Variants in PPP1R3F observed in about 807,000 individuals in gnomAD.
PPP1R3F encodes the protein protein phosphatase 1, regulatory (inhibitor) subunit 3F.
Under a neutral mutation model 24.2 loss-of-function variants are expected in PPP1R3F, and 29 were observed. The observed-to-expected ratio is 1.20, with a 90% CI of 0.89 to 1.63. PPP1R3F has a LOEUF of 1.63. PPP1R3F is among the 40% of genes most tolerant of loss of function. The probability of loss-of-function intolerance (pLI) is 0.00; values close to 1 mark genes in which losing one functional copy is unlikely to be tolerated. For synonymous variants in PPP1R3F, 363 were observed against 340.1 expected (o/e 1.07, Z -0.74); for missense variants, 823 against 729.3 (o/e 1.13, Z -1.48).
chrX:49,281,721 G>A (rs2066250282), intron 2 of PPP1R3F, among the ~76,000 whole-genome samples: 1 of 109,548 alleles, frequency 9.1e-6, no homozygotes. Context: ...CCTGCTACTC[G>A]GGAGGCTGAG....
In PPP1R3F at chrX:49,270,656, G is replaced by T; in HGVS notation, c.787G>T (p.Val263Leu). 8.3e-7 allele frequency: 1 copy of T among 1,209,290 alleles called. No homozygotes were observed. The highest frequency in any genetic ancestry group is 1.1e-6 in the Non-Finnish European group (1 of 894,804). ...AGDGARLDFV[V>L]RYETPEGTFW... ...CGATGGGGCGCGCCTCGACTTCGTGGTGCGCTATGAGACCCCTGAGGGCAC... is the reference window on the plus strand; with the variant it reads ...CGATGGGGCGCGCCTCGACTTCGTGTTGCGCTATGAGACCCCTGAGGGCAC... The change falls in exon 1 of 4, where the codon GTG (valine) becomes TTG (leucine). Residue 263 changes from valine (V) to leucine (L), a missense_variant. Transcript: ENST00000055335.
In PPP1R3F at chrX:49,279,797, C is replaced by T. The variant is rs781905585; in HGVS notation, c.1005-1609C>T. ...TCCTCTCAGGTTTTAGTCAATGCTT[C>T]CCTCATTTACCTTAATCTGTAGACA... On this transcript the variant is annotated intron_variant, in intron 1 of 3. Coordinates refer to ENST00000055335, the MANE Select transcript of PPP1R3F (RefSeq NM_033215.5). 7.1e-5 allele frequency among the ~76,000 whole-genome samples: 8 copies of T among 112,490 alleles called. No individual in the cohort carries two copies. The East Asian group carries it at 2.2e-3, about 31-fold the overall frequency.
chrX:49,281,113 A>G (rs945615139), intron 1 of PPP1R3F: 2 of 257,394 alleles, frequency 7.8e-6, no homozygotes, highest in Non-Finnish European at 1.4e-5. Context: ...GTAGAATCTA[A>G]ATGATTTCGT....
At position 49,270,146 on chromosome X, in the gene PPP1R3F, G is replaced by A. The variant is rs781962733; in HGVS notation, c.277G>A (p.Glu93Lys). ...TGGCGAGGATGGGGATGAAGGGGAGGAGGAAGAGGAGGCTTGCCCCGAGCC... is the reference window on the plus strand; with the variant it reads ...TGGCGAGGATGGGGATGAAGGGGAGAAGGAAGAGGAGGCTTGCCCCGAGCC... ...DDGEDGDEGE[E>K]EEEACPEPSP... is the part of the protein sequence containing the mutation. The change falls in exon 1 of 4, where the codon GAG (glutamate) becomes AAG (lysine). Residue 93 changes from glutamate (E) to lysine (K), a missense_variant. Coordinates refer to ENST00000055335, the MANE Select transcript of PPP1R3F (RefSeq NM_033215.5). 2.6e-5 allele frequency: 28 copies of A among 1,075,247 alleles called. No homozygotes were observed. The South Asian group carries it at 4.3e-4, about 17-fold the overall frequency. 88.6% of individuals were successfully genotyped at this position (1,075,247 alleles called of 1,213,427 possible).
rs1444425879 is a variant in PPP1R3F at position 49,286,091 on chromosome X, G to A, written c.1401G>A (p.Gly467=). 1 of 1,172,054 alleles carries A rather than the reference G, an allele frequency of 8.5e-7. No homozygotes were observed. Among genetic ancestry groups the A allele is most frequent in the Non-Finnish European group, 1.1e-6 (1 of 873,309 alleles). The change falls in exon 4 of 4, where the codon GGG becomes GGA. Residue 467 remains glycine, a synonymous_variant. Transcript: ENST00000055335. ...GGGGAGTATCGAGTGAGAATGGAGG[G>A]GGGCTGGAGGCTGTGAGTGGGTCAG... ...ATWGVSSENG[G]GLEAVSGSEE...
chrX:49,271,824 C>A (rs781904958), intron 1 of PPP1R3F, among the ~76,000 whole-genome samples: 1 of 112,741 alleles, frequency 8.9e-6, no homozygotes, highest in South Asian at 3.6e-4. Flanking sequence ...AGTTTTTGTC[C>A]CTTGTTTTTT....
At chrX:49,279,306 G>C (rs900494940) in intron 1 of PPP1R3F, among the ~76,000 whole-genome samples, 3 of 112,458 alleles carry the variant, frequency 2.7e-5, no homozygotes, top group Admixed American at 9.4e-5. Flanking sequence ...ACTTAGAACA[G>C]TGTGTAATGC....
chrX:49,292,451 G>A (rs1330122109), downstream of PPP1R3F, among the ~76,000 whole-genome samples: 1 of 112,706 alleles, frequency 8.9e-6, no homozygotes, highest in Non-Finnish European at 1.9e-5. Flanking sequence ...GATTGGCCAG[G>A]TTGGCCAGGT....
Position 49,286,502 on chromosome X carries a change from C to T in PPP1R3F, c.1812C>T (p.Ser604=), listed in dbSNP as rs782076338. 1.2e-5 allele frequency: 15 copies of T among 1,207,650 alleles called. No homozygotes were observed. The highest frequency in any genetic ancestry group is 1.1e-4 in the South Asian group (6 of 56,491). Residue 604 remains serine (S), a synonymous_variant, in exon 4 of 4, where the codon TCC becomes TCT. Transcript: ENST00000055335. ...AGGAATCGCCTCCAGAAATCCTCTC[C>T]GGGGCCCGTTCTGTGGTAGCCACGA... ...SPKESPPEIL[S]GARSVVATMG... is the part of the protein sequence containing the mutation.
rs2066158091 is a variant in PPP1R3F at position 49,269,806 on chromosome X, C to T, written c.-64C>T. ...GCTGGCCTTCCCATTGGCTGCCCGC[C>T]CCTTCAGGCCCTGCCCCCGCCGGTC... On this transcript the variant is annotated 5_prime_UTR_variant, in exon 1 of 4. Coordinates refer to ENST00000055335, the MANE Select transcript of PPP1R3F (RefSeq NM_033215.5). 1 of 714,012 alleles carries T rather than the reference C, an allele frequency of 1.4e-6. No homozygotes were observed. Among genetic ancestry groups the T allele is most frequent in the Non-Finnish European group, 1.8e-6 (1 of 570,918 alleles). The allele number at this position is 714,012 out of a possible 1,213,427, so 58.8% of individuals were successfully genotyped here. A position where few individuals can be genotyped will look rare whatever the true frequency, so the allele number is the denominator to read the frequency against.
chrX:49,286,966 T>A lies in PPP1R3F; in HGVS notation c.2276T>A (p.Leu759His). 8.3e-7 allele frequency: 1 copy of A among 1,210,082 alleles called. No individual in the cohort carries two copies. Among genetic ancestry groups the A allele is most frequent in the Non-Finnish European group, 1.1e-6 (1 of 895,029 alleles). Residue 759 changes from leucine to histidine, a missense_variant, in exon 4 of 4, where the codon CTC becomes CAC. Leu to His is a moderately conservative substitution (Grantham distance 99). Transcript: ENST00000055335. ...AECVCALPPQ[L>H]RGPLTQTLGV... is the part of the protein sequence containing the mutation. ...TGTGTGTGTGCACTGCCTCCTCAGC[T>A]CCGGGGGCCCTTGACCCAGACTCTG... is the stretch of plus-strand genomic sequence containing the variant.
At chrX:49,280,479 C>A (rs1224512795) in intron 1 of PPP1R3F, among the ~76,000 whole-genome samples, 3 of 109,459 alleles carry the variant, frequency 2.7e-5, no homozygotes, top group Non-Finnish European at 5.7e-5. Flanking sequence ...GAATTCCTGA[C>A]CTCAGGTGAT....
chrX:49,295,388 C>T lies in PPP1R3F; in HGVS notation c.393-5963C>T, dbSNP rs782512502. Among the ~76,000 whole-genome samples, 9 of 111,870 alleles carry T rather than the reference C, an allele frequency of 8.0e-5. No homozygotes were observed. In the South Asian group the frequency reaches 3.4e-3, roughly 42 times the overall value. ...CGAACTCCTGGGCTCAAGCGATCCCCCCACCTCAGCCTCCCAAAGTGCTGG... is the reference window on the plus strand; with the variant it reads ...CGAACTCCTGGGCTCAAGCGATCCCTCCACCTCAGCCTCCCAAAGTGCTGG... On this transcript the variant is annotated intron_variant, in intron 3 of 3. Coordinates refer to the PPP1R3F transcript ENST00000471261.
chrX:49,269,803 CGCCCCTTCAGGCCCT>C lies in PPP1R3F; in HGVS notation c.-61_-47del. On this transcript the variant is annotated 5_prime_UTR_variant, in exon 1 of 4. Transcript: ENST00000055335. ...CGCGCTGGCCTTCCCATTGGCTGCCCGCCCCTTCAGGCCCTGCCCCCGCCGGTCCCGCCGCCGGTG... is the reference window on the plus strand; with the variant it reads ...CGCGCTGGCCTTCCCATTGGCTGCCCGCCCCCGCCGGTCCCGCCGCCGGTG... The C allele has an allele frequency of 1.4e-6, 1 of 706,768 alleles. No homozygotes were observed. Among genetic ancestry groups the C allele is most frequent in the Non-Finnish European group, 1.8e-6 (1 of 564,795 alleles). 58.2% of individuals were successfully genotyped at this position (706,768 alleles called of 1,213,427 possible).
rs1557119134 is a variant in PPP1R3F, at chrX:49,270,803, C to T, written c.934C>T (p.Pro312Ser). 1 of 1,191,963 alleles carries T rather than the reference C, an allele frequency of 8.4e-7. No homozygotes were observed. Among genetic ancestry groups the T allele is most frequent in the Non-Finnish European group, 1.1e-6 (1 of 885,458 alleles). Residue 312 changes from proline (P) to serine (S), a missense_variant, in exon 1 of 4, where the codon CCC (proline) becomes TCC (serine). Pro to Ser is a moderately conservative substitution (Grantham distance 74, BLOSUM62 -1). Coordinates refer to ENST00000055335, the MANE Select transcript of PPP1R3F (RefSeq NM_033215.5). ...GCAGCTGCCGCAGCTGGAGCCACAGCCCGAGTGCCAGGGTCCCGTGGAGGC... is the reference window on the plus strand; with the variant it reads ...GCAGCTGCCGCAGCTGGAGCCACAGTCCGAGTGCCAGGGTCCCGTGGAGGC... ...QQQLPQLEPQPECQGPVEAEA... is the reference protein window; with the variant it reads ...QQQLPQLEPQSECQGPVEAEA...
chrX:49,280,117 C>T (rs1557120475), intron 1 of PPP1R3F, among the ~76,000 whole-genome samples: 1 of 111,797 alleles, frequency 8.9e-6, no homozygotes, highest in African/African-American at 3.3e-5. Flanking sequence ...CAGGCTGATA[C>T]GGGGACGAGA....
At chrX:49,300,536 C>T (rs1486609112) in intron 3 of PPP1R3F, among the ~76,000 whole-genome samples, 10 of 92,319 alleles carry the variant, frequency 1.1e-4, no homozygotes, top group African/African-American at 4.1e-4. Flanking sequence ...GTCACCCAGG[C>T]GGGAGTGCAG....
In PPP1R3F at chrX:49,270,701, G is replaced by C; in HGVS notation, c.832G>C (p.Gly278Arg). The stretch of plus-strand genomic sequence containing the variant: ...GGGCACTTTCTGGGCCAACAACCAC[G>C]GCCGCAACTACACAGTCCTGCTCCG... ...PEGTFWANNH[G>R]RNYTVLLRIA... The change falls in exon 1 of 4, where the codon GGC becomes CGC. Residue 278 changes from glycine (G) to arginine (R), a missense_variant. Physicochemically the swap from Gly to Arg is moderately radical, Grantham distance 125. Transcript: ENST00000055335. 1 of 1,208,487 alleles carries C rather than the reference G, an allele frequency of 8.3e-7. No homozygotes were observed. The highest frequency in any genetic ancestry group is 1.1e-6 in the Non-Finnish European group (1 of 893,954).
intron 3 of PPP1R3F, among the ~76,000 whole-genome samples, chrX:49,299,743 C>T (rs893125907): frequency 1.1e-4 from 12 of 112,008 alleles, no homozygotes; most frequent in Non-Finnish European, 2.1e-4. Context: ...AGTCTGGCTA[C>T]AGCGGGTTTG....
Sources: gnomAD v4.1 joint callset for allele counts (sites outside exome capture counted in the v4.1 genomes callset) on GRCh38, gnomAD v4.1.1 for gene constraint, MANE v1.5 for transcripts, NCBI Gene and HGNC (gene_info 2026-07-23, HGNC 2026-07-21) for gene names.